The following ARHGAP22 variants were observed in gnomAD, a reference collection of about 807,000 sequenced individuals.
The protein encoded by ARHGAP22 is rho GTPase-activating protein 22.
A neutral mutation model predicts 59.1 loss-of-function variants in ARHGAP22; 48 were observed. The observed-to-expected ratio is 0.81, with a 90% CI of 0.64 to 1.03. The LOEUF (loss-of-function observed/expected upper bound fraction) is 1.03, where lower values mean the gene tolerates loss of function less well. ARHGAP22 is among the 50% of genes least tolerant of loss of function. The pLI is 0.00. For synonymous variants in ARHGAP22, 445 were observed against 416.4 expected (o/e 1.07, Z -0.84); for missense variants, 1,015 against 958.7 (o/e 1.06, Z -0.78).
chr10:48,615,014 T>G (rs1261404292), intron 1 of ARHGAP22, among the ~76,000 whole-genome samples: 2 of 152,166 alleles, frequency 1.3e-5, no homozygotes, highest in Non-Finnish European at 2.9e-5. Flanking sequence ...GGATAATAGT[T>G]GGAGCAAAAA....
At chr10:48,522,468 C>T (rs772211568) in intron 3 of ARHGAP22, among the ~76,000 whole-genome samples, 4 of 152,238 alleles carry the variant, frequency 2.6e-5, no homozygotes, top group Non-Finnish European at 5.9e-5. Flanking sequence ...TCTGAGGCTG[C>T]TTAATGAGTC....
chr10:48,479,599 G>A, intron 4 of ARHGAP22, 37 bp downstream of exon 4: 1 of 1,613,748 alleles, frequency 6.2e-7, no homozygotes, highest in East Asian at 2.2e-5. Context: ...TGGAGGCAAG[G>A]GTTCTAGAGG....
intron 3 of ARHGAP22, among the ~76,000 whole-genome samples, chr10:48,480,302 C>T (rs1210447992): frequency 2.0e-5 from 3 of 152,198 alleles, no homozygotes; most frequent in African/African-American, 4.8e-5. Context: ...ACCCATCTCA[C>T]GGCTAGACAG....
At position 48,500,818 on chromosome 10, in the gene ARHGAP22, G is replaced by T. The variant is rs549981102; in HGVS notation, c.323-21054C>A. On this transcript the variant is annotated intron_variant, in intron 3 of 9. Coordinates refer to ENST00000249601, the MANE Select transcript of ARHGAP22 (RefSeq NM_021226.4). ...AGGCAGGAGAATTCCTTGAACTCAG[G>T]AGGTGGAGGTTGCAGTGAGCCAAGA... Among the ~76,000 whole-genome samples, 5 of 151,452 alleles carry T rather than the reference G, an allele frequency of 3.3e-5. No individual in the cohort carries two copies. The East Asian group carries it at 9.7e-4, about 29-fold the overall frequency.
chr10:48,516,529 AAAAT>A (rs59502469), intron 3 of ARHGAP22, among the ~76,000 whole-genome samples: 9 of 150,494 alleles, frequency 6.0e-5, no homozygotes, highest in Non-Finnish European at 7.4e-5. Flanking sequence ...CCCTGTCTCA[AAAAT>A]AAATAAATAA....
chr10:48,514,800 C>T (rs760331203), intron 3 of ARHGAP22, among the ~76,000 whole-genome samples: 8 of 152,120 alleles, frequency 5.3e-5, no homozygotes, highest in Non-Finnish European at 8.8e-5. Flanking sequence ...ATGGCACCAA[C>T]GAGTCAGGCA....
intron 4 of ARHGAP22, among the ~76,000 whole-genome samples, chr10:48,473,683 G>A (rs1187033537): frequency 6.6e-6 from 1 of 152,172 alleles, no homozygotes; most frequent in Non-Finnish European, 1.5e-5. Context: ...AAGATAAGAG[G>A]TGTGCCAGGT....
intron 8 of ARHGAP22, 155 bp from the exon 9 acceptor site, chr10:48,451,295 G>A (rs1358007966): frequency 1.9e-6 from 2 of 1,029,498 alleles, no homozygotes; most frequent in Non-Finnish European, 3.0e-6. Context: ...CAGAGGAAAG[G>A]ACCACACACC....
intron 8 of ARHGAP22, chr10:48,451,543 G>A (rs1337527699): frequency 1.4e-6 from 1 of 702,446 alleles, no homozygotes; most frequent in Admixed American, 2.0e-5. Flanking sequence ...GCTGACAACT[G>A]CCATGCCTGA....
chr10:48,618,872 T>A (rs1001166909), intron 1 of ARHGAP22, among the ~76,000 whole-genome samples: 2 of 152,022 alleles, frequency 1.3e-5, no homozygotes, highest in African/African-American at 4.8e-5. Flanking sequence ...TTGAGAAAGA[T>A]GTAAAGAACA....
At chr10:48,563,437 G>A (rs368723995) in intron 2 of ARHGAP22, among the ~76,000 whole-genome samples, 196 of 152,174 alleles carry the variant, frequency 1.3e-3, no homozygotes, top group Non-Finnish European at 2.4e-3. Flanking sequence ...TGATCCGCCC[G>A]TCTCGGCCTC....
chr10:48,473,008 A>G (rs2048370769), intron 4 of ARHGAP22, among the ~76,000 whole-genome samples: 1 of 152,208 alleles, frequency 6.6e-6, no homozygotes. Flanking sequence ...TACCCCAAAT[A>G]ATTGAAATCA....
intron 1 of ARHGAP22, among the ~76,000 whole-genome samples, chr10:48,615,675 G>C (rs752668454): frequency 4.6e-5 from 7 of 152,018 alleles, no homozygotes; most frequent in Admixed American, 6.6e-5. Flanking sequence ...GGACTTACTA[G>C]ACAAAGACTT....
intron 3 of ARHGAP22, among the ~76,000 whole-genome samples, chr10:48,504,133 T>C (rs759193583): frequency 3.9e-5 from 6 of 152,084 alleles, no homozygotes; most frequent in African/African-American, 7.2e-5. Context: ...GGGACTCCAT[T>C]TGGCCTCATG....
chr10:48,562,287 C>T (rs1054768667), intron 2 of ARHGAP22, among the ~76,000 whole-genome samples: 1 of 42,094 alleles, frequency 2.4e-5, no homozygotes, highest in Non-Finnish European at 5.2e-5. Flanking sequence ...CATTCCGCTC[C>T]TACATATACC....
chr10:48,508,499 G>GC (rs1283171421), intron 3 of ARHGAP22, among the ~76,000 whole-genome samples: 1 of 152,240 alleles, frequency 6.6e-6, no homozygotes, highest in Non-Finnish European at 1.5e-5. Flanking sequence ...CCCACTGCAG[G>GC]CCCTTGTCTT....
chr10:48,498,068 G>A (rs17010553), intron 3 of ARHGAP22, among the ~76,000 whole-genome samples: 4,314 of 152,202 alleles, frequency 0.028, 223 homozygotes, highest in African/African-American at 0.099. Flanking sequence ...GCAGTGCCTC[G>A]GGCCGGTCCC....
Position 48,459,760 on chromosome 10 carries a change from G to A in ARHGAP22, c.583C>T (p.Arg195Cys), listed in dbSNP as rs144706855. Residue 195 changes from arginine to cysteine, a missense_variant, in exon 5 of 10, where the codon CGC becomes TGC. Physicochemically the swap from Arg to Cys is radical, Grantham distance 180. Transcript: ENST00000249601. The part of the protein sequence containing the change: ...ERGLTEEGLF[R>C]MPGQANLVRD... Reference sequence around the variant, plus strand: ...ACCAGGTTGGCCTGGCCTGGCATGCGGAACAGCCCCTCCTCAGTGAGCCCG... The same window carrying A: ...ACCAGGTTGGCCTGGCCTGGCATGCAGAACAGCCCCTCCTCAGTGAGCCCG... 373 of 1,613,910 alleles carry A rather than the reference G, an allele frequency of 2.3e-4. No homozygotes were observed. The highest frequency in any genetic ancestry group is 2.9e-4 in the Non-Finnish European group (345 of 1,180,042).
At chr10:48,431,233 C>G in the ARHGAP22 span, 10 of 1,611,916 alleles carry the variant, frequency 6.2e-6, no homozygotes, top group Non-Finnish European at 8.5e-6. Context: ...AGGAGAGAAC[C>G]AAGAATGGAG....
Sources: allele counts gnomAD v4.1 joint callset (sites outside exome capture counted in the v4.1 genomes callset), GRCh38; gene constraint gnomAD v4.1.1; transcripts MANE v1.5; gene names NCBI Gene and HGNC (gene_info 2026-07-23, HGNC 2026-07-21).